The following JPH1 variants were observed in gnomAD, a reference collection of about 807,000 sequenced individuals.
JPH1 encodes junctophilin-1.
Under a neutral mutation model 53.6 loss-of-function variants are expected in JPH1, and 12 were observed. The ratio of observed to expected loss-of-function variants is 0.22; its 90% confidence interval spans 0.14 to 0.36. The LOEUF is 0.36. Ranked by LOEUF, JPH1 falls within the 10% of genes least tolerant of loss-of-function variation. The pLI is 1.00. For missense variants in JPH1, 808 were observed against 905.5 expected (o/e 0.89, Z 1.38); for synonymous variants, 375 against 363.8 (o/e 1.03, Z -0.35).
intron 4 of JPH1, among the ~76,000 whole-genome samples, chr8:74,238,937 C>T (rs1176083352): frequency 6.6e-6 from 1 of 152,160 alleles, no homozygotes; most frequent in Non-Finnish European, 1.5e-5. Context: ...GGATTCCAGG[C>T]GTGTACCACA....
rs538436260 is a variant in JPH1 at position 74,280,070 on chromosome 8, A to C, written c.1140-20567T>G. ...ATATACCTTCTAACTAAACTTTCCT[A>C]TCATTTGAATGATAAAGAATCTTAA... On this transcript the variant is annotated intron_variant, in intron 2 of 5. Coordinates refer to ENST00000342232, the MANE Select transcript of JPH1 (RefSeq NM_020647.4). Among the ~76,000 whole-genome samples, 79 of 152,324 alleles carry C rather than the reference A, an allele frequency of 5.2e-4. No individual in the cohort carries two copies. The South Asian group carries it at 0.016, about 31-fold the overall frequency.
intron 2 of JPH1, among the ~76,000 whole-genome samples, chr8:74,271,476 A>G (rs1806697773): frequency 6.6e-6 from 1 of 152,156 alleles, no homozygotes; most frequent in Non-Finnish European, 1.5e-5. Flanking sequence ...ATACAATCAT[A>G]CTTGTCTTCT....
At chr8:74,309,678 G>A (rs1201665468) in intron 2 of JPH1, among the ~76,000 whole-genome samples, 2 of 152,180 alleles carry the variant, frequency 1.3e-5, no homozygotes, top group South Asian at 2.1e-4. Flanking sequence ...AAAAATTGAC[G>A]AAATGAGAAA....
rs201532278 is a variant in JPH1, at chr8:74,294,396, C to T, written c.1139+20465G>A. ...GACCAGAGACAAGCCAAGACAAAGT[C>T]GGCCACGGTGAGGAAACAGGGCCAA... is the stretch of plus-strand genomic sequence containing the variant. On this transcript the variant is annotated intron_variant, in intron 2 of 5. Transcript: ENST00000342232. 0.015 allele frequency among the ~76,000 whole-genome samples: 1,310 copies of T among 86,216 alleles called. 24 individuals are homozygous for T. The East Asian group carries it at 0.16, about 10-fold the overall frequency. The allele number at this position is 86,216 out of a possible 152,430, so 56.6% of individuals were successfully genotyped here. A position where few individuals can be genotyped will look rare whatever the true frequency, so the allele number is the denominator to read the frequency against.
At chr8:74,302,343 C>T (rs924792206) in intron 2 of JPH1, among the ~76,000 whole-genome samples, 2 of 152,154 alleles carry the variant, frequency 1.3e-5, no homozygotes, top group Non-Finnish European at 2.9e-5. Context: ...TGTTTCTGTA[C>T]ACAAATACTG....
At chr8:74,293,658 G>A (rs567807771) in intron 2 of JPH1, among the ~76,000 whole-genome samples, 22 of 152,312 alleles carry the variant, frequency 1.4e-4, no homozygotes, top group Admixed American at 4.6e-4. Flanking sequence ...TGCCTTTTCT[G>A]CCTTCTGTAA....
chr8:74,254,162 G>A (rs1199288149), intron 3 of JPH1, among the ~76,000 whole-genome samples: 3 of 152,042 alleles, frequency 2.0e-5, no homozygotes, highest in South Asian at 2.1e-4. Flanking sequence ...CTGGCAAACC[G>A]AATCCAGCAA....
At chr8:74,314,032 A>T (rs557668924) in intron 2 of JPH1, among the ~76,000 whole-genome samples, 1 of 151,846 alleles carries the variant, frequency 6.6e-6, no homozygotes, top group East Asian at 1.9e-4. Context: ...CCACACATAC[A>T]CCCCACTTGT....
Position 74,259,516 on chromosome 8 carries a change from CA to C in JPH1, c.1140-14del. The C allele has an allele frequency of 6.4e-7, 1 of 1,553,368 alleles. No individual in the cohort carries two copies. The highest frequency in any genetic ancestry group is 1.9e-5 in the Admixed American group (1 of 53,266). On this transcript the variant is annotated splice_polypyrimidine_tract_variant and intron_variant, in intron 2 of 5. Coordinates refer to ENST00000342232, the MANE Select transcript of JPH1 (RefSeq NM_020647.4). The stretch of plus-strand genomic sequence containing the variant: ...GGCATGTGCAGTCCTACACGGGGCA[CA>C]AAAGGACGAGTCAGCATAGGTGACC...
intron 3 of JPH1, among the ~76,000 whole-genome samples, chr8:74,252,309 A>G (rs1212368305): frequency 2.6e-5 from 4 of 152,242 alleles, no homozygotes; most frequent in African/African-American, 7.2e-5. Flanking sequence ...AACAAAAGCT[A>G]AAACTGACAA....
In JPH1 at chr8:74,235,952, C is replaced by T. The variant is rs972071731; in HGVS notation, c.*1099G>A. 6.6e-6 allele frequency: 1 copy of T among 152,162 alleles called. No homozygotes were observed. The highest frequency in any genetic ancestry group is 1.5e-5 in the Non-Finnish European group (1 of 68,024). 9.4% of individuals were successfully genotyped at this position (152,162 alleles called of 1,614,324 possible). A position where few individuals can be genotyped will look rare whatever the true frequency, so the allele number is the denominator to read the frequency against. On this transcript the variant is annotated 3_prime_UTR_variant, in exon 6 of 6. Coordinates refer to ENST00000342232, the MANE Select transcript of JPH1 (RefSeq NM_020647.4). ...AGAGCAGTTTATTAATAGCATCTTG[C>T]TTAACTTTCATGGGAATTAACACAG...
rs1271522370 is a variant in JPH1 at position 74,244,755 on chromosome 8, G to C, written c.1679C>G (p.Pro560Arg). 4.3e-6 allele frequency: 7 copies of C among 1,614,082 alleles called. No individual in the cohort carries two copies. In the African/African-American group the frequency reaches 5.3e-5, roughly 12 times the overall value. Residue 560 changes from proline (P) to arginine (R), a missense_variant, in exon 4 of 6, where the codon CCC becomes CGC. Transcript: ENST00000342232. ...YHGYYVKLNA[P>R]QHPPVDVEDG... ...CTCCACGTCTACTGGAGGGTGCTGG[G>C]GGGCGTTCAGCTTCACGTAGTAGCC...
chr8:74,239,199 T>C (rs983803411), intron 4 of JPH1, among the ~76,000 whole-genome samples: 4 of 152,132 alleles, frequency 2.6e-5, no homozygotes, highest in Non-Finnish European at 5.9e-5. Context: ...TTTTTTTTTG[T>C]TTATTCTTCA....
At chr8:74,242,969 CT>C (rs1006771010) in intron 4 of JPH1, among the ~76,000 whole-genome samples, 12 of 152,122 alleles carry the variant, frequency 7.9e-5, no homozygotes, top group African/African-American at 2.4e-4. Context: ...GGTAATTCAA[CT>C]TTTTTTTCCC....
At chr8:74,294,635 A>G (rs1807449117) in intron 2 of JPH1, among the ~76,000 whole-genome samples, 1 of 152,188 alleles carries the variant, frequency 6.6e-6, no homozygotes, top group Non-Finnish European at 1.5e-5. Flanking sequence ...AGTTGTTTAC[A>G]TATTCATCTG....
chr8:74,314,919 C>G lies in JPH1; in HGVS notation c.1081G>C (p.Glu361Gln). 6.2e-7 allele frequency: 1 copy of G among 1,614,224 alleles called. No individual in the cohort carries two copies. Among genetic ancestry groups the G allele is most frequent in the South Asian group, 1.1e-5 (1 of 91,084 alleles). ...ATGGCAGCTGCCCTTTGGGCGCCTT[C>G]AATTGCTCTGTCCACCTTCTCCCTA... Reference protein sequence around the residue: ...KTREKVDRAIEGAQRAAAMAR... With the variant: ...KTREKVDRAIQGAQRAAAMAR... Residue 361 changes from glutamate to glutamine, a missense_variant, in exon 2 of 6, where the codon GAA becomes CAA. By Grantham distance (29) the Glu-to-Gln change is conservative. This residue lies in a region of JPH1 where 756 missense variants were observed against 811.9 expected (regional missense o/e 0.93). Coordinates refer to ENST00000342232, the MANE Select transcript of JPH1 (RefSeq NM_020647.4).
chr8:74,273,243 T>C (rs185576711), intron 2 of JPH1, among the ~76,000 whole-genome samples: 4 of 152,326 alleles, frequency 2.6e-5, no homozygotes, highest in African/African-American at 9.6e-5. Context: ...ATGGTGAATT[T>C]TGGGAGAAGA....
At chr8:74,248,658 A>G (rs1805938365) in intron 3 of JPH1, among the ~76,000 whole-genome samples, 1 of 152,220 alleles carries the variant, frequency 6.6e-6, no homozygotes, top group Non-Finnish European at 1.5e-5. Flanking sequence ...CAACTAAATG[A>G]GGATATACAG....
At chr8:74,269,741 A>G (rs950235641) in intron 2 of JPH1, among the ~76,000 whole-genome samples, 3 of 152,232 alleles carry the variant, frequency 2.0e-5, no homozygotes, top group Non-Finnish European at 4.4e-5. Context: ...CAGAGAGATT[A>G]AGGAACATAT....
Sources: allele counts gnomAD v4.1 joint callset (sites outside exome capture counted in the v4.1 genomes callset), GRCh38; gene constraint gnomAD v4.1.1; regional missense constraint gnomAD v4.1.1; transcripts MANE v1.5; gene names NCBI Gene and HGNC (gene_info 2026-07-23, HGNC 2026-07-21).